Variants in GRID2 observed in about 807,000 individuals in gnomAD.
GRID2 encodes the protein glutamate receptor ionotropic, delta-2.
In GRID2, 33 loss-of-function variants were observed where a neutral mutation model predicts 114.8. That is an observed-to-expected ratio of 0.29 (90% confidence interval 0.22 to 0.38). The LOEUF (loss-of-function observed/expected upper bound fraction) is 0.38. GRID2 is among the 10% of genes least tolerant of loss of function. The pLI is 1.00. For synonymous variants in GRID2, 505 were observed against 449.9 expected (o/e 1.12, Z -1.55); for missense variants, 1,184 against 1,257.7 (o/e 0.94, Z 0.89).
chr4:92,845,337 C>T (rs1447369784), intron 2 of GRID2, among the ~76,000 whole-genome samples: 1 of 152,028 alleles, frequency 6.6e-6, no homozygotes, highest in African/African-American at 2.4e-5. Flanking sequence ...TTTTTGAGTT[C>T]CTTAAGATAT....
At chr4:93,203,506 T>A (rs1449361416) in intron 4 of GRID2, among the ~76,000 whole-genome samples, 1 of 152,150 alleles carries the variant, frequency 6.6e-6, no homozygotes, top group African/African-American at 2.4e-5. Flanking sequence ...TTCTAAATAT[T>A]CAATATTTTT....
chr4:92,775,487 G>C (rs1228720796), intron 2 of GRID2, among the ~76,000 whole-genome samples: 1 of 152,130 alleles, frequency 6.6e-6, no homozygotes, highest in Non-Finnish European at 1.5e-5. Flanking sequence ...GCCTAGAGCA[G>C]ACTTGCTGAT....
intron 2 of GRID2, among the ~76,000 whole-genome samples, chr4:92,943,101 A>C (rs976087307): frequency 6.6e-6 from 1 of 152,022 alleles, no homozygotes; most frequent in African/African-American, 2.4e-5. Flanking sequence ...TACTTCCTGA[A>C]TTTGAATGTT....
intron 2 of GRID2, among the ~76,000 whole-genome samples, chr4:92,983,636 T>G (rs937361554): frequency 2.0e-5 from 3 of 152,132 alleles, no homozygotes; most frequent in African/African-American, 7.2e-5. Context: ...AATAATTCAT[T>G]ATTATAATTT....
intron 11 of GRID2, among the ~76,000 whole-genome samples, chr4:93,482,069 A>G (rs1281779776): frequency 6.6e-6 from 1 of 152,096 alleles, no homozygotes; most frequent in Non-Finnish European, 1.5e-5. Context: ...AACATTGAAT[A>G]CAAATTAGTT....
chr4:92,862,759 G>C lies in GRID2; in HGVS notation c.245-222236G>C, dbSNP rs1403113751. ...GTGCATACATTTTTTATAACTAAAT[G>C]TTCTAATGCAGTTTTAGGTATCCTA... On this transcript the variant is annotated intron_variant, in intron 2 of 15. Coordinates refer to ENST00000282020, the MANE Select transcript of GRID2 (RefSeq NM_001510.4). Among the ~76,000 whole-genome samples the C allele has an allele frequency of 2.0e-5, 3 of 151,986 alleles. No homozygotes were observed. In the East Asian group the frequency reaches 5.8e-4, roughly 29 times the overall value.
chr4:93,069,058 A>G (rs1425891988), intron 2 of GRID2, among the ~76,000 whole-genome samples: 2 of 152,060 alleles, frequency 1.3e-5, no homozygotes, highest in Non-Finnish European at 2.9e-5. Flanking sequence ...AGATCTCCCA[A>G]AACTGACTCA....
intron 1 of GRID2, among the ~76,000 whole-genome samples, chr4:92,404,141 T>C (rs1420525132): frequency 6.6e-6 from 1 of 152,184 alleles, no homozygotes; most frequent in Non-Finnish European, 1.5e-5. Context: ...AAACCTTCAA[T>C]TTGTAGAAAA....
intron 1 of GRID2, among the ~76,000 whole-genome samples, chr4:92,485,980 A>T (rs1233995330): frequency 3.9e-5 from 6 of 152,018 alleles, no homozygotes; most frequent in Non-Finnish European, 8.8e-5. Flanking sequence ...AACAAAAATG[A>T]TGGAACTTGT....
intron 8 of GRID2, among the ~76,000 whole-genome samples, chr4:93,328,244 T>C (rs1423007380): frequency 6.6e-6 from 1 of 151,296 alleles, no homozygotes; most frequent in East Asian, 2.0e-4. Flanking sequence ...TTATTTAGAA[T>C]GAACTACAAA....
At chr4:92,385,900 GTA>G (rs34904839) in intron 1 of GRID2, among the ~76,000 whole-genome samples, 7,657 of 60,814 alleles carry the variant, frequency 0.13, 277 homozygotes, top group African/African-American at 0.17. Context: ...GTGTGTGTGT[GTA>G]TATATATATA....
intron 1 of GRID2, among the ~76,000 whole-genome samples, chr4:92,332,495 C>A (rs1726946159): frequency 6.6e-6 from 1 of 152,262 alleles, no homozygotes; most frequent in South Asian, 2.1e-4. Context: ...CCTGGTCCCC[C>A]AAATTCACAT....
At chr4:92,846,118 T>C (rs954052924) in intron 2 of GRID2, among the ~76,000 whole-genome samples, 8 of 152,136 alleles carry the variant, frequency 5.3e-5, no homozygotes, top group African/African-American at 1.7e-4. Context: ...AAGTTGGCCT[T>C]TATTCCCTGG....
At chr4:93,285,956 T>A (rs996218383) in intron 8 of GRID2, among the ~76,000 whole-genome samples, 2 of 152,058 alleles carry the variant, frequency 1.3e-5, no homozygotes, top group Non-Finnish European at 2.9e-5. Flanking sequence ...TTATTTTGTG[T>A]TAAGATTTTA....
intron 2 of GRID2, among the ~76,000 whole-genome samples, chr4:93,035,176 G>A (rs1293732639): frequency 6.6e-6 from 1 of 151,102 alleles, no homozygotes; most frequent in Non-Finnish European, 1.5e-5. Flanking sequence ...TGCCATCTAG[G>A]CTCACTGCAA....
intron 11 of GRID2, among the ~76,000 whole-genome samples, chr4:93,477,268 G>A (rs1391988007): frequency 6.6e-6 from 1 of 152,072 alleles, no homozygotes; most frequent in African/African-American, 2.4e-5. Context: ...ATTCATGAGT[G>A]TTCTGCCTGT....
At chr4:93,762,705 G>A (rs143922514) in intron 14 of GRID2, among the ~76,000 whole-genome samples, 1 of 152,262 alleles carries the variant, frequency 6.6e-6, no homozygotes, top group South Asian at 2.1e-4. Flanking sequence ...GGCACACCAG[G>A]CTCTTTAACA....
intron 1 of GRID2, among the ~76,000 whole-genome samples, chr4:92,344,373 T>G (rs1374558873): frequency 6.6e-6 from 1 of 152,216 alleles, no homozygotes; most frequent in Non-Finnish European, 1.5e-5. Context: ...ACTAACCACT[T>G]TCTTCCCTAT....
chr4:93,218,488 G>T (rs1744494988), intron 6 of GRID2, among the ~76,000 whole-genome samples: 1 of 152,056 alleles, frequency 6.6e-6, no homozygotes, highest in African/African-American at 2.4e-5. Flanking sequence ...TCCAGCCTGG[G>T]TTTCAAAGTG....
Sources: gnomAD v4.1 joint callset for allele counts (sites outside exome capture counted in the v4.1 genomes callset) on GRCh38, gnomAD v4.1.1 for gene constraint, MANE v1.5 for transcripts, NCBI Gene and HGNC (gene_info 2026-07-23, HGNC 2026-07-21) for gene names.